The following LCAT variants were observed in gnomAD, a reference collection of about 807,000 sequenced individuals.
The protein encoded by LCAT is lecithin-cholesterol acyltransferase.
LCAT carries 15 observed loss-of-function variants against 41.0 expected under a neutral mutation model. That is an observed-to-expected ratio of 0.37 (90% CI 0.24 to 0.56). LCAT has a LOEUF of 0.56. Among genes scored for constraint, LCAT ranks in the 20% least tolerant of loss-of-function variants. The pLI, the probability that LCAT is intolerant of heterozygous loss-of-function variation, is 0.81. For missense variants in LCAT, 449 were observed against 595.1 expected (o/e 0.75, Z 2.55); for synonymous variants, 248 against 245.4 (o/e 1.01, Z -0.10).
intron 5 of LCAT, chr16:67,941,523 A>T: frequency 1.9e-6 from 1 of 529,094 alleles, no homozygotes; most frequent in Non-Finnish European, 2.4e-6. Flanking sequence ...CAGGAGGCTG[A>T]GGCAGGAGGA....
At chr16:67,941,848 G>GTT in intron 5 of LCAT, 1 of 1,057,646 alleles carries the variant, frequency 9.5e-7, no homozygotes, top group Non-Finnish European at 1.1e-6. Context: ...TCTGATGAGC[G>GTT]TTTCTCTTGT....
chr16:67,940,568 A>G (rs2058286525), intron 5 of LCAT, 90 bp from the exon 6 acceptor site: 4 of 1,565,814 alleles, frequency 2.6e-6, no homozygotes, highest in South Asian at 1.1e-5. Flanking sequence ...CAGATGCTCA[A>G]TCTTGTCCCT....
chr16:67,940,191 GCGTGGGCAGGCCCA>G lies in LCAT; in HGVS notation c.1022_1035del (p.Val341AlafsTer21). The G allele has an allele frequency of 6.2e-7, 1 of 1,612,888 alleles. No homozygotes were observed. ...CCGTGGTCGTAGATGTAGGTGCGGGGCGTGGGCAGGCCCACGCCGTAAAGACAGTATACTTCCAC... is the reference window on the plus strand; with the variant it reads ...CCGTGGTCGTAGATGTAGGTGCGGGGCGCCGTAAAGACAGTATACTTCCAC... On this transcript the variant is annotated frameshift_variant, in exon 6 of 6. Transcript: ENST00000264005. LOFTEE classifies it high-confidence loss of function.
chr16:67,943,403 T>G lies in LCAT; in HGVS notation c.155-191A>C. 13 of 590,608 alleles carry G rather than the reference T, an allele frequency of 2.2e-5. No homozygotes were observed. The highest frequency in any genetic ancestry group is 3.1e-5 in the Non-Finnish European group (10 of 323,940). The allele number at this position is 590,608 out of a possible 1,614,324, so 36.6% of individuals were successfully genotyped here. A position where few individuals can be genotyped will look rare whatever the true frequency, so the allele number is the denominator to read the frequency against. On this transcript the variant is annotated intron_variant, in intron 1 of 5. Transcript: ENST00000264005. The surrounding 1 kb of genome is among the most constrained non-coding windows in gnomAD (Gnocchi z 4.6). ...TCCCCCCAGTAGCCAAAGCCCAGGC[T>G]TCCCTGAGGAAGGGAAGGCGCTGAG...
chr16:67,942,267 C>A lies in LCAT; in HGVS notation c.748+96G>T. On this transcript the variant is annotated intron_variant, in intron 5 of 5. Coordinates refer to ENST00000264005, the MANE Select transcript of LCAT (RefSeq NM_000229.2). The surrounding 1 kb of genome is among the most constrained non-coding windows in gnomAD (Gnocchi z 6.6). The stretch of plus-strand genomic sequence containing the variant: ...AGCCCAGGAGTGGTAGATAGCACCC[C>A]TAGAGGCCACTGTGAGCAGGAGCCG... The A allele has an allele frequency of 7.2e-7, 1 of 1,392,006 alleles. No homozygotes were observed. The allele number at this position is 1,392,006 out of a possible 1,614,324, so 86.2% of individuals were successfully genotyped here.
At chr16:67,941,438 A>C (rs2058289818) in intron 5 of LCAT, 1 of 163,648 alleles carries the variant, frequency 6.1e-6, no homozygotes, top group African/African-American at 2.4e-5. Flanking sequence ...CCTGGGCAAC[A>C]TAGCAAGACC....
Position 67,943,529 on chromosome 16 carries a change from G to C in LCAT, c.155-317C>G. 1 of 516,456 alleles carries C rather than the reference G, an allele frequency of 1.9e-6. No individual in the cohort carries two copies. The highest frequency in any genetic ancestry group is 3.2e-5 in the Admixed American group (1 of 31,108). The allele number at this position is 516,456 out of a possible 1,614,324, so 32.0% of individuals were successfully genotyped here. On this transcript the variant is annotated intron_variant, in intron 1 of 5. Coordinates refer to ENST00000264005, the MANE Select transcript of LCAT (RefSeq NM_000229.2). The surrounding 1 kb of genome is among the most constrained non-coding windows in gnomAD (Gnocchi z 4.6). ...CCAAGGTGGGAACAGATAGGTCTGG[G>C]GGCATGGGGGCTGGGCCTAATAGGG...
chr16:67,944,011 G>A lies in LCAT; in HGVS notation c.91C>T (p.Leu31Phe), dbSNP rs2058313346. Residue 31 changes from leucine to phenylalanine, a missense_variant, in exon 1 of 6, where the codon CTC becomes TTC. Physicochemically the swap from Leu to Phe is conservative, Grantham distance 22. Coordinates refer to ENST00000264005, the MANE Select transcript of LCAT (RefSeq NM_000229.2). This position sits in a 1 kb window ranked among gnomAD's most constrained non-coding sequence, Gnocchi z 6.6. Reference sequence around the variant, plus strand: ...TTGGGCGTGGTGTGCGGGGGGAAGAGCACATTGAGGAGCCAGAAGGGGGCG... The same window carrying A: ...TTGGGCGTGGTGTGCGGGGGGAAGAACACATTGAGGAGCCAGAAGGGGGCG... ...PAAPFWLLNV[L>F]FPPHTTPKAE... is the part of the protein sequence containing the mutation. The A allele has an allele frequency of 6.5e-7, 1 of 1,548,228 alleles. No individual in the cohort carries two copies. The highest frequency in any genetic ancestry group is 8.7e-7 in the Non-Finnish European group (1 of 1,145,756).
At position 67,940,336 on chromosome 16, in the gene LCAT, G is replaced by A. The variant is rs1019658248; in HGVS notation, c.891C>T (p.Tyr297=). 1 of 1,614,060 alleles carries A rather than the reference G, an allele frequency of 6.2e-7. No individual in the cohort carries two copies. Among genetic ancestry groups the A allele is most frequent in the African/African-American group, 1.3e-5 (1 of 74,940 alleles). The change falls in exon 6 of 6, where the codon TAC becomes TAT. Residue 297 remains tyrosine (Y), a synonymous_variant. Coordinates refer to ENST00000264005, the MANE Select transcript of LCAT (RefSeq NM_000229.2). ...AGAAGCGTTGGAAGTCACGGCCTGT[G>A]TAGTTGAAGCTGGGTGTGGAAATGA... ...HVFISTPSFN[Y]TGRDFQRFFA...
rs1730387457 is a variant in LCAT at position 67,943,651 on chromosome 16, CAG to C, written c.154+295_154+296del. ...AAGGAAGGAGTGGTGGGGCTTGGCC[CAG>C]AGTCTGGTGTGGCTGTGACTGACCA... On this transcript the variant is annotated intron_variant, in intron 1 of 5. Coordinates refer to ENST00000264005, the MANE Select transcript of LCAT (RefSeq NM_000229.2). The surrounding 1 kb of genome is among the most constrained non-coding windows in gnomAD (Gnocchi z 4.6). 4 of 531,102 alleles carry C rather than the reference CAG, an allele frequency of 7.5e-6. No homozygotes were observed. Among genetic ancestry groups the C allele is most frequent in the African/African-American group, 3.8e-5 (2 of 52,648 alleles). 32.9% of individuals were successfully genotyped at this position (531,102 alleles called of 1,614,324 possible).
Position 67,943,257 on chromosome 16 carries a change from AC to A in LCAT, c.155-46del, listed in dbSNP as rs1431560089. On this transcript the variant is annotated intron_variant, in intron 1 of 5. Coordinates refer to ENST00000264005, the MANE Select transcript of LCAT (RefSeq NM_000229.2). This position sits in a 1 kb window ranked among gnomAD's most constrained non-coding sequence, Gnocchi z 4.6. ...CTCTGGACTCTGGATTCCCCCCGTG[AC>A]CCTTACCCCCGTCACCCCAGATGCT... 7.0e-7 allele frequency: 1 copy of A among 1,425,128 alleles called. No homozygotes were observed. The highest frequency in any genetic ancestry group is 9.6e-7 in the Non-Finnish European group (1 of 1,036,814). The allele number at this position is 1,425,128 out of a possible 1,614,324, so 88.3% of individuals were successfully genotyped here.
intron 5 of LCAT, chr16:67,941,666 G>A (rs935580694): frequency 2.0e-6 from 2 of 991,168 alleles, no homozygotes; most frequent in Admixed American, 5.6e-5. Context: ...GGTGTGTGGG[G>A]ATGGTGGGTG....
Position 67,943,259 on chromosome 16 carries a change from C to T in LCAT, c.155-47G>A, listed in dbSNP as rs574776972. The T allele has an allele frequency of 1.0e-5, 16 of 1,597,072 alleles. No homozygotes were observed. In the African/African-American group the frequency reaches 2.2e-4, roughly 22 times the overall value. ...CTGGACTCTGGATTCCCCCCGTGAC[C>T]CTTACCCCCGTCACCCCAGATGCTG... On this transcript the variant is annotated intron_variant, in intron 1 of 5. Coordinates refer to ENST00000264005, the MANE Select transcript of LCAT (RefSeq NM_000229.2). The surrounding 1 kb of genome is among the most constrained non-coding windows in gnomAD (Gnocchi z 4.6).
rs1274339399 is a variant in LCAT at position 67,940,093 on chromosome 16, C to A, written c.1134G>T (p.Glu378Asp). 4 of 1,613,132 alleles carry A rather than the reference C, an allele frequency of 2.5e-6. No individual in the cohort carries two copies. The South Asian group carries it at 4.4e-5, about 18-fold the overall frequency. The change falls in exon 6 of 6, where the codon GAG becomes GAT. Residue 378 changes from glutamate to aspartate, a missense_variant. By Grantham distance (45) the Glu-to-Asp change is conservative. Coordinates refer to ENST00000264005, the MANE Select transcript of LCAT (RefSeq NM_000229.2). ...GDDTVATRSTELCGLWQGRQP... is the reference protein window; with the variant it reads ...GDDTVATRSTDLCGLWQGRQP... ...GGCGGCCCTGCCACAGGCCACAGAGCTCGGTGCTGCGGGTCGCCACCGTGT... is the reference window on the plus strand; with the variant it reads ...GGCGGCCCTGCCACAGGCCACAGAGATCGGTGCTGCGGGTCGCCACCGTGT...
rs574854090 is a variant in LCAT, at chr16:67,941,751, T to G, written c.748+612A>C. 119 of 1,004,440 alleles carry G rather than the reference T, an allele frequency of 1.2e-4. 1 individual carries two copies. The African/African-American group carries it at 1.9e-3, about 16-fold the overall frequency. The allele number at this position is 1,004,440 out of a possible 1,614,324, so 62.2% of individuals were successfully genotyped here. The stretch of plus-strand genomic sequence containing the variant: ...CGGGCATGTGTCTTTCTGCTCCTTG[T>G]GTGGCTTATGCAGCAATGGGGGCCA... On this transcript the variant is annotated intron_variant, in intron 5 of 5. Coordinates refer to ENST00000264005, the MANE Select transcript of LCAT (RefSeq NM_000229.2).
Position 67,942,896 on chromosome 16 carries a change from T to A in LCAT, c.392A>T (p.Tyr131Phe), listed in dbSNP as rs1329882443. 1.2e-6 allele frequency: 2 copies of A among 1,613,642 alleles called. No homozygotes were observed. The highest frequency in any genetic ancestry group is 3.3e-5 in the Admixed American group (2 of 60,004). Reference protein sequence around the residue: ...QIRVPGFGKTYSVEYLDSSKL... With the variant: ...QIRVPGFGKTFSVEYLDSSKL... Reference sequence around the variant, plus strand: ...GCTGCTGTCCAGGTACTCCACAGAGTAGGTCTTGCCAAAGCCAGGGACGCG... The same window carrying A: ...GCTGCTGTCCAGGTACTCCACAGAGAAGGTCTTGCCAAAGCCAGGGACGCG... The change falls in exon 3 of 6, where the codon TAC (tyrosine) becomes TTC (phenylalanine). Residue 131 changes from tyrosine (Y) to phenylalanine (F), a missense_variant. Coordinates refer to ENST00000264005, the MANE Select transcript of LCAT (RefSeq NM_000229.2). The surrounding 1 kb of genome is among the most constrained non-coding windows in gnomAD (Gnocchi z 6.6).
intron 5 of LCAT, chr16:67,941,643 T>C (rs1399369167): frequency 1.0e-6 from 1 of 984,922 alleles, no homozygotes; most frequent in Non-Finnish European, 1.2e-6. Flanking sequence ...AGGCGGGGCT[T>C]CCTGAGGACC....
Position 67,943,408 on chromosome 16 carries a change from T to C in LCAT, c.155-196A>G, listed in dbSNP as rs558320445. The C allele has an allele frequency of 2.7e-5, 16 of 592,554 alleles. No individual in the cohort carries two copies. Among genetic ancestry groups the C allele is most frequent in the Non-Finnish European group, 4.3e-5 (14 of 324,800 alleles). 36.7% of individuals were successfully genotyped at this position (592,554 alleles called of 1,614,324 possible). ...CCAGTAGCCAAAGCCCAGGCTTCCC[T>C]GAGGAAGGGAAGGCGCTGAGGTGCT... is the stretch of plus-strand genomic sequence containing the variant. On this transcript the variant is annotated intron_variant, in intron 1 of 5. Coordinates refer to ENST00000264005, the MANE Select transcript of LCAT (RefSeq NM_000229.2). The surrounding 1 kb of genome is among the most constrained non-coding windows in gnomAD (Gnocchi z 4.6).
intron 5 of LCAT, chr16:67,941,945 G>C (rs2058293747): frequency 1.7e-6 from 2 of 1,179,868 alleles, no homozygotes; most frequent in African/African-American, 3.2e-5. Flanking sequence ...GGGCCCTGGT[G>C]CCACTCCCTA....
Sources: allele counts gnomAD v4.1 joint callset, GRCh38; gene constraint gnomAD v4.1.1; non-coding constraint Gnocchi (gnomAD v3.1); transcripts MANE v1.5; gene names NCBI Gene and HGNC (gene_info 2026-07-23, HGNC 2026-07-21).